Variants in AZIN2 observed in about 807,000 individuals in gnomAD.
The protein encoded by AZIN2 is antizyme inhibitor 2.
A neutral mutation model predicts 47.8 loss-of-function variants in AZIN2; 28 were observed. The ratio of observed to expected loss-of-function variants is 0.59; its 90% confidence interval spans 0.43 to 0.80. The LOEUF (loss-of-function observed/expected upper bound fraction) is 0.80. Ranked by LOEUF, AZIN2 falls within the 30% of genes least tolerant of loss-of-function variation. The pLI is 0.00. For synonymous variants in AZIN2, 221 were observed against 239.4 expected, an observed-to-expected ratio of 0.92 and a Z score of 0.71; for missense variants, 535 against 582.5, an observed-to-expected ratio of 0.92 and a Z score of 0.84.
At chr1:33,093,831 A>G (rs1642848069) in intron 7 of AZIN2, among the ~76,000 whole-genome samples, 1 of 151,170 alleles carries the variant, frequency 6.6e-6, no homozygotes, top group South Asian at 2.1e-4. Context: ...CCCAGGCTCA[A>G]GCAATTCTCT....
intron 11 of AZIN2, chr1:33,119,832 C>T (rs112648069): frequency 2.0e-5 from 12 of 604,644 alleles, no homozygotes; most frequent in African/African-American, 5.6e-5. Flanking sequence ...AGTAAATGCT[C>T]GATACATGTG....
At chr1:33,140,178 C>T in the AZIN2 span, among the ~76,000 whole-genome samples, 1 of 152,122 alleles carries the variant, frequency 6.6e-6, no homozygotes, top group Admixed American at 6.5e-5. The surrounding 1 kb of genome is among the most constrained non-coding windows in gnomAD (Gnocchi z 4.0). Flanking sequence ...TTTGCCTGTC[C>T]CTCTTGTTCA....
At chr1:33,160,718 T>A in the AZIN2 span, among the ~76,000 whole-genome samples, 4 of 152,244 alleles carry the variant, frequency 2.6e-5, no homozygotes, top group African/African-American at 7.2e-5. Context: ...GTCTTTATTT[T>A]AAAAAAATCA....
chr1:33,157,043 T>G, the AZIN2 span, among the ~76,000 whole-genome samples: 1 of 151,586 alleles, frequency 6.6e-6, no homozygotes, highest in Non-Finnish European at 1.5e-5. Context: ...CCCTTCGGTC[T>G]ATTCTCAACC....
chr1:33,098,215 G>C (rs905938637), intron 10 of AZIN2, 36 bp downstream of exon 10: 11 of 1,419,236 alleles, frequency 7.8e-6, no homozygotes, highest in Admixed American at 4.0e-5. Context: ...TTTCAGTTGT[G>C]TGTGTGTATT....
chr1:33,089,709 C>G (rs947650970), intron 5 of AZIN2, among the ~76,000 whole-genome samples: 1 of 152,228 alleles, frequency 6.6e-6, no homozygotes, highest in Non-Finnish European at 1.5e-5. Context: ...CCTCACTGAA[C>G]TCAATTTTGT....
chr1:33,140,222 T>A, the AZIN2 span, among the ~76,000 whole-genome samples: 1 of 152,178 alleles, frequency 6.6e-6, no homozygotes, highest in African/African-American at 2.4e-5. The surrounding 1 kb of genome is among the most constrained non-coding windows in gnomAD (Gnocchi z 4.0). Flanking sequence ...ACGGTGGCGA[T>A]GAAGGAGCTG....
the AZIN2 span, among the ~76,000 whole-genome samples, chr1:33,157,760 T>C: frequency 2.0e-5 from 3 of 151,886 alleles, no homozygotes; most frequent in East Asian, 3.9e-4. Flanking sequence ...TTTTTTTTTT[T>C]CTTCCTTTTT....
chr1:33,093,925 G>T (rs1642859439), intron 7 of AZIN2, among the ~76,000 whole-genome samples: 1 of 151,934 alleles, frequency 6.6e-6, no homozygotes, highest in Non-Finnish European at 1.5e-5. Flanking sequence ...TAGAGATGGG[G>T]TCTCACTTTA....
At chr1:33,130,199 G>A in the AZIN2 span, among the ~76,000 whole-genome samples, 6 of 152,346 alleles carry the variant, frequency 3.9e-5, no homozygotes, top group South Asian at 8.3e-4. Flanking sequence ...AGGCAAGGAA[G>A]AGGATGCGGT....
At chr1:33,146,599 C>G in the AZIN2 span, 1 of 162,172 alleles carries the variant, frequency 6.2e-6, no homozygotes, top group Admixed American at 5.6e-5. Context: ...CATCACTGAC[C>G]AGCAGATCAG....
the AZIN2 span, among the ~76,000 whole-genome samples, chr1:33,129,304 A>G: frequency 1.3e-5 from 2 of 152,200 alleles, no homozygotes; most frequent in Non-Finnish European, 1.5e-5. This position sits in a 1 kb window ranked among gnomAD's most constrained non-coding sequence, Gnocchi z 4.1. Flanking sequence ...CTGATTTACA[A>G]CCCAAGACCA....
At position 33,098,087 on chromosome 1, in the gene AZIN2, A is replaced by G; in HGVS notation, c.937A>G (p.Lys313Glu). The G allele has an allele frequency of 1.2e-6, 2 of 1,614,056 alleles. No individual in the cohort carries two copies. Among genetic ancestry groups the G allele is most frequent in the African/African-American group, 1.3e-5 (1 of 74,974 alleles). Residue 313 changes from lysine (K) to glutamate (E), a missense_variant, in exon 10 of 12, where the codon AAG becomes GAG. This residue lies in a region of AZIN2 where 409 missense variants were observed against 429.0 expected (regional missense o/e 0.95). Coordinates refer to ENST00000294517, the MANE Select transcript of AZIN2 (RefSeq NM_052998.4). ...TGCAGAGGAAAATGGTTCCACCTCC[A>G]AGACCATCGTGTACCACCTTGATGA... Reference protein sequence around the residue: ...GREEENGSTSKTIVYHLDEGV... With the variant: ...GREEENGSTSETIVYHLDEGV...
In AZIN2 at chr1:33,113,806, T is replaced by G. The variant is rs950052544; in HGVS notation, c.1030-4096T>G. ...TATTTAAAATAGTCTCTCTTCATTGTGGGGTTTTGTTTTGTCTGTAGTTTT... is the reference window on the plus strand; with the variant it reads ...TATTTAAAATAGTCTCTCTTCATTGGGGGGTTTTGTTTTGTCTGTAGTTTT... On this transcript the variant is annotated intron_variant, in intron 10 of 11. Coordinates refer to ENST00000294517, the MANE Select transcript of AZIN2 (RefSeq NM_052998.4). The surrounding 1 kb of genome is among the most constrained non-coding windows in gnomAD (Gnocchi z 4.1). 2.0e-5 allele frequency among the ~76,000 whole-genome samples: 3 copies of G among 152,232 alleles called. No individual in the cohort carries two copies. Among genetic ancestry groups the G allele is most frequent in the African/African-American group, 7.2e-5 (3 of 41,464 alleles).
chr1:33,104,031 C>T lies in AZIN2; in HGVS notation c.1029+5852C>T, dbSNP rs140693204. Among the ~76,000 whole-genome samples, 702 of 152,030 alleles carry T rather than the reference C, an allele frequency of 4.6e-3. 10 individuals carry two copies. The highest frequency in any genetic ancestry group is 0.016 in the African/African-American group (672 of 41,468). ...CCGAGTAGCTGGGATTACAGGCGCC[C>T]GTCACTATGCCTGGCTAATTTCTGT... On this transcript the variant is annotated intron_variant, in intron 10 of 11. Transcript: ENST00000294517.
the AZIN2 span, among the ~76,000 whole-genome samples, chr1:33,134,552 C>T: frequency 6.6e-6 from 1 of 152,156 alleles, no homozygotes; most frequent in South Asian, 2.1e-4. Flanking sequence ...CTAGGACCAC[C>T]AGAGACACAA....
chr1:33,123,289 C>A lies in AZIN2; in HGVS notation c.*3107C>A, dbSNP rs535119946. On this transcript the variant is annotated 3_prime_UTR_variant, in exon 12 of 12. Transcript: ENST00000294517. ...CCACTCAACATACTCTATAACATAA[C>A]TCCATAATGTGTTCCATAACACAAG... is the stretch of plus-strand genomic sequence containing the variant. Among the ~76,000 whole-genome samples, 9 of 152,322 alleles carry A rather than the reference C, an allele frequency of 5.9e-5. No homozygotes were observed. In the East Asian group the frequency reaches 1.7e-3, roughly 29 times the overall value.
chr1:33,159,889 C>T, the AZIN2 span: 607 of 1,610,942 alleles, frequency 3.8e-4, 4 homozygotes, highest in Admixed American at 1.0e-3. This position sits in a 1 kb window ranked among gnomAD's most constrained non-coding sequence, Gnocchi z 4.2. Context: ...ACGCAGCAGC[C>T]GGTGCAGCCG....
At chr1:33,087,056 T>C (rs1407976906) in intron 5 of AZIN2, among the ~76,000 whole-genome samples, 1 of 152,178 alleles carries the variant, frequency 6.6e-6, no homozygotes, top group Admixed American at 6.5e-5. Context: ...CATTGATTCA[T>C]TCACCCCAAA....
Sources: gnomAD v4.1 joint callset for allele counts (sites outside exome capture counted in the v4.1 genomes callset) on GRCh38, gnomAD v4.1.1 for gene constraint, gnomAD v4.1.1 regional missense constraint, Gnocchi (gnomAD v3.1) non-coding constraint, MANE v1.5 for transcripts, NCBI Gene and HGNC (gene_info 2026-07-23, HGNC 2026-07-21) for gene names.